The following CHEK2 variants were observed in gnomAD, a reference collection of about 807,000 sequenced individuals.
The protein encoded by CHEK2 is serine/threonine-protein kinase Chk2.
CHEK2 carries 71 observed loss-of-function variants against 69.1 expected under a neutral mutation model. That is an observed-to-expected ratio of 1.03 (90% CI 0.85 to 1.25). The LOEUF (loss-of-function observed/expected upper bound fraction) is 1.25. CHEK2 is among the 50% of genes most tolerant of loss of function. The probability of loss-of-function intolerance (pLI) is 0.00; values close to 1 mark genes in which losing one functional copy is unlikely to be tolerated. For synonymous variants in CHEK2, 189 were observed against 226.9 expected, an observed-to-expected ratio of 0.83 and a Z score of 1.50; for missense variants, 664 against 649.6, an observed-to-expected ratio of 1.02 and a Z score of -0.24.
In CHEK2 at chr22:28,703,582, G is replaced by A. The variant is rs1487273676; in HGVS notation, c.847-16C>T. 1 of 1,500,926 alleles carries A rather than the reference G, an allele frequency of 6.7e-7. No homozygotes were observed. Among genetic ancestry groups the A allele is most frequent in the African/African-American group, 1.4e-5 (1 of 72,624 alleles). 93.0% of individuals were successfully genotyped at this position (1,500,926 alleles called of 1,614,324 possible). A position where few individuals can be genotyped will look rare whatever the true frequency, so the allele number is the denominator to read the frequency against. ...TGATGCAAGGCTAAGAAGAGGGGGA[G>A]AAAAAAGGGAAAGTAGTGAGAAACT... On this transcript the variant is annotated splice_polypyrimidine_tract_variant and intron_variant, in intron 7 of 14. Coordinates refer to ENST00000404276, the MANE Select transcript of CHEK2 (RefSeq NM_007194.4).
At chr22:28,711,421 T>C (rs1354620729) in intron 6 of CHEK2, among the ~76,000 whole-genome samples, 3 of 152,060 alleles carry the variant, frequency 2.0e-5, no homozygotes, top group Admixed American at 6.6e-5. Context: ...TCAAAAAGGA[T>C]GTATTAGGCA....
chr22:28,714,411 GT>G (rs1220060108), intron 5 of CHEK2, among the ~76,000 whole-genome samples: 1 of 151,838 alleles, frequency 6.6e-6, no homozygotes, highest in Admixed American at 6.6e-5. Context: ...GTTTTGTTTT[GT>G]TTTTAGAGAC....
intron 5 of CHEK2, 99 bp from the exon 6 acceptor site, chr22:28,712,116 C>CATATTAGAATTTACAGACATTCT: frequency 1.2e-6 from 1 of 845,550 alleles, no homozygotes; most frequent in Non-Finnish European, 2.0e-6. Context: ...ACAGACATTC[C>CATATTAGAATTTACAGACATTCT]ATATAACAGC....
intron 2 of CHEK2, among the ~76,000 whole-genome samples, chr22:28,729,896 G>GA (rs977460565): frequency 2.0e-5 from 3 of 152,002 alleles, no homozygotes; most frequent in African/African-American, 7.2e-5. Flanking sequence ...ATTATAGGGT[G>GA]AAAGAGTCAG....
chr22:28,695,520 G>A (rs1043967686), intron 11 of CHEK2, among the ~76,000 whole-genome samples, 190 bp downstream of exon 11: 2 of 152,076 alleles, frequency 1.3e-5, no homozygotes, highest in Admixed American at 6.5e-5. Context: ...AGCTGGGCAT[G>A]GTGGTGTGCA....
chr22:28,702,537 CTTTTT>C (rs35377840), intron 8 of CHEK2, among the ~76,000 whole-genome samples: 2 of 121,040 alleles, frequency 1.7e-5, no homozygotes, highest in South Asian at 2.8e-4. Flanking sequence ...TGCGCCCGGC[CTTTTT>C]TTTTTTTTTT....
At chr22:28,710,119 C>G (rs2053341169) in intron 6 of CHEK2, 60 bp from the exon 7 acceptor site, 1 of 1,200,582 alleles carries the variant, frequency 8.3e-7, no homozygotes, top group Non-Finnish European at 1.2e-6. Flanking sequence ...TTTAAAAAAA[C>G]ATTTACAGTT....
At chr22:28,726,679 T>C (rs925794671) in intron 2 of CHEK2, among the ~76,000 whole-genome samples, 4 of 148,822 alleles carry the variant, frequency 2.7e-5, no homozygotes, top group African/African-American at 1.0e-4. Context: ...CATTAAAAGT[T>C]CTCGAGTAAT....
intron 1 of CHEK2, among the ~76,000 whole-genome samples, chr22:28,740,387 C>A (rs553034243): frequency 1.5e-4 from 23 of 152,164 alleles, no homozygotes; most frequent in Non-Finnish European, 2.5e-4. Flanking sequence ...GCTCTGCCCG[C>A]ATCAAAAACT....
rs796397348 is a variant in CHEK2 at position 28,719,120 on chromosome 22, T to C, written c.683+275A>G. Among the ~76,000 whole-genome samples, 8 of 151,880 alleles carry C rather than the reference T, an allele frequency of 5.3e-5. 1 individual carries two copies. The highest frequency in any genetic ancestry group is 1.9e-4 in the African/African-American group (8 of 41,398). ...GCTGCATGCCTGATCTCCCTTGACC[T>C]GGGAGATCAAGGCCACAGTGAGCTC... On this transcript the variant is annotated intron_variant, in intron 5 of 14. Coordinates refer to ENST00000404276, the MANE Select transcript of CHEK2 (RefSeq NM_007194.4).
intron 9 of CHEK2, among the ~76,000 whole-genome samples, chr22:28,698,452 T>C (rs1427494075): frequency 6.6e-6 from 1 of 152,074 alleles, no homozygotes; most frequent in African/African-American, 2.4e-5. Flanking sequence ...GGCTTCAATC[T>C]TCTCTGGATG....
intron 5 of CHEK2, among the ~76,000 whole-genome samples, chr22:28,714,188 T>C (rs1432298617): frequency 6.6e-6 from 1 of 152,212 alleles, no homozygotes; most frequent in African/African-American, 2.4e-5. Flanking sequence ...TAGCAGTGCA[T>C]GGGGGTTCCA....
intron 7 of CHEK2, among the ~76,000 whole-genome samples, chr22:28,705,947 A>T (rs1285182885): frequency 7.3e-6 from 1 of 136,986 alleles, no homozygotes; most frequent in African/African-American, 2.7e-5. Flanking sequence ...CCGTCTCAAA[A>T]AACTAAACTA....
chr22:28,722,431 T>C (rs1490883501), intron 4 of CHEK2, among the ~76,000 whole-genome samples: 1 of 149,322 alleles, frequency 6.7e-6, no homozygotes, highest in African/African-American at 2.5e-5. Context: ...TCCCAACTAC[T>C]TGGGAGGCTG....
At chr22:28,698,159 G>C (rs2052664462) in intron 9 of CHEK2, among the ~76,000 whole-genome samples, 1 of 147,556 alleles carries the variant, frequency 6.8e-6, no homozygotes, top group Non-Finnish European at 1.5e-5. Context: ...GGGAGCTCAA[G>C]GCAGGCGGAT....
At chr22:28,707,226 A>G (rs1282096660) in intron 7 of CHEK2, among the ~76,000 whole-genome samples, 2 of 152,314 alleles carry the variant, frequency 1.3e-5, no homozygotes, top group East Asian at 3.9e-4. Flanking sequence ...CTTAGGTCAT[A>G]CTGGGAAAGC....
In CHEK2 at chr22:28,709,036, G is replaced by C. The variant is rs188151047; in HGVS notation, c.846+970C>G. On this transcript the variant is annotated intron_variant, in intron 7 of 14. Coordinates refer to ENST00000404276, the MANE Select transcript of CHEK2 (RefSeq NM_007194.4). ...CTGGACAGGAGAGAGATCTTGCCTT[G>C]AGTTTAATGCCATTGCCTAATGAGC... The C allele has an allele frequency of 9.2e-5, 35 of 378,958 alleles. 2 individuals are homozygous for C. Among genetic ancestry groups the C allele is most frequent in the Non-Finnish European group, 1.4e-4 (27 of 191,658 alleles). 23.5% of individuals were successfully genotyped at this position (378,958 alleles called of 1,614,324 possible).
intron 2 of CHEK2, among the ~76,000 whole-genome samples, chr22:28,733,824 C>T (rs1007476111): frequency 6.7e-6 from 1 of 149,958 alleles, no homozygotes; most frequent in Non-Finnish European, 1.5e-5. Context: ...GAATCTGAGA[C>T]AGGAGAATCG....
At chr22:28,727,795 A>G (rs1357087936) in intron 2 of CHEK2, among the ~76,000 whole-genome samples, 1 of 152,198 alleles carries the variant, frequency 6.6e-6, no homozygotes, top group Non-Finnish European at 1.5e-5. Flanking sequence ...GAAATCAAAA[A>G]CACATTAAGA....
Sources: allele counts gnomAD v4.1 joint callset (sites outside exome capture counted in the v4.1 genomes callset), GRCh38; gene constraint gnomAD v4.1.1; transcripts MANE v1.5; gene names NCBI Gene and HGNC (gene_info 2026-07-23, HGNC 2026-07-21).